The following ZBTB37 variants were observed in gnomAD, a reference collection of about 807,000 sequenced individuals.
ZBTB37 encodes the protein zinc finger and BTB domain-containing protein 37.
In ZBTB37, 15 loss-of-function variants were observed where a neutral mutation model predicts 37.7. The ratio of observed to expected loss-of-function variants is 0.40; its 90% confidence interval spans 0.27 to 0.61. ZBTB37 has a LOEUF of 0.61. ZBTB37 is among the 20% of genes least tolerant of loss of function. ZBTB37 has a pLI of 0.44. For missense variants in ZBTB37, 514 were observed against 641.9 expected (o/e 0.80, Z 2.15); for synonymous variants, 231 against 220.6 (o/e 1.05, Z -0.42).
downstream of ZBTB37, chr1:173,891,037 C>G (rs1291841612): frequency 6.6e-6 from 1 of 152,166 alleles, no homozygotes; most frequent in Non-Finnish European, 1.5e-5. Flanking sequence ...TTTTCTAGAT[C>G]CTCTTATCAT....
chr1:173,870,809 G>C, exon 3 of ZBTB37: 1 of 1,614,238 alleles, frequency 6.2e-7, no homozygotes, highest in South Asian at 1.1e-5. Context: ...GAGTCCACCA[G>C]CCCTCAGATC....
chr1:173,869,651 G>A (rs1016647388), intron 2 of ZBTB37, among the ~76,000 whole-genome samples: 4 of 49,392 alleles, frequency 8.1e-5, no homozygotes, highest in Non-Finnish European at 1.3e-4. Context: ...GTCTTTTTGT[G>A]GGGGGGGCTC....
At chr1:173,899,326 C>T (rs918065409) in exon 4 of ZBTB37, 26 of 152,148 alleles carry the variant, frequency 1.7e-4, no homozygotes, top group African/African-American at 5.8e-4. Flanking sequence ...AGAGTTTTGT[C>T]CTAGGCCTGT....
In ZBTB37 at chr1:173,870,863, G is replaced by A. The variant is rs751501901; in HGVS notation, c.638G>A (p.Arg213Gln). The change falls in exon 3 of 5, where the codon CGG becomes CAG. Residue 213 changes from arginine (R) to glutamine (Q), a missense_variant. Around this residue, in one of 3 missense-constraint regions of ZBTB37, gnomAD observed 323 missense variants for 321.9 expected, o/e 1.00. Coordinates refer to ENST00000427304, the Ensembl canonical transcript of ZBTB37. ...GTAGAGAGCCGGGAGCCCATTCTTC[G>A]GATCAACCGAGCAGGACAGTGGTAT... 1.7e-4 allele frequency: 270 copies of A among 1,614,090 alleles called. No homozygotes were observed. In the East Asian group the frequency reaches 3.0e-3, roughly 18 times the overall value.
At chr1:173,895,437 G>C (rs1027213391) in exon 4 of ZBTB37, 2 of 152,112 alleles carry the variant, frequency 1.3e-5, no homozygotes, top group African/African-American at 4.8e-5. Flanking sequence ...TGATTTCTTG[G>C]AGATATCAGT....
At chr1:173,879,586 A>G (rs1408052082) in intron 4 of ZBTB37, among the ~76,000 whole-genome samples, 1 of 152,160 alleles carries the variant, frequency 6.6e-6, no homozygotes, top group Non-Finnish European at 1.5e-5. Flanking sequence ...ACCTTCTGTC[A>G]AAGATGTTTT....
At chr1:173,878,723 A>G (rs1461150024) in intron 4 of ZBTB37, among the ~76,000 whole-genome samples, 2 of 152,188 alleles carry the variant, frequency 1.3e-5, no homozygotes, top group Non-Finnish European at 2.9e-5. Flanking sequence ...CTGTTAAGCA[A>G]TCTTGTGGCT....
chr1:173,879,198 G>A (rs550357811), intron 4 of ZBTB37, among the ~76,000 whole-genome samples: 2 of 152,158 alleles, frequency 1.3e-5, no homozygotes, highest in Non-Finnish European at 2.9e-5. Flanking sequence ...GATTAAAGAT[G>A]AGGTAGGTTT....
At chr1:173,870,938 G>C (rs1347739013) in exon 3 of ZBTB37, 1 of 1,614,244 alleles carries the variant, frequency 6.2e-7, no homozygotes, top group Non-Finnish European at 8.5e-7. Flanking sequence ...GATGAAGTTA[G>C]AGTTCTTGGA....
exon 4 of ZBTB37, chr1:173,894,060 G>A (rs1457471451): frequency 5.9e-5 from 9 of 152,216 alleles, no homozygotes; most frequent in Admixed American, 5.9e-4. Context: ...TCAAGAGTAA[G>A]TGATTAGAAG....
At chr1:173,878,014 T>C (rs1572059508) in intron 4 of ZBTB37, among the ~76,000 whole-genome samples, 1 of 152,326 alleles carries the variant, frequency 6.6e-6, no homozygotes, top group Non-Finnish European at 1.5e-5. Flanking sequence ...ACCCAACTTT[T>C]CCCACCACTC....
exon 3 of ZBTB37, chr1:173,870,687 G>C (rs1320295307): frequency 3.7e-6 from 6 of 1,613,982 alleles, no homozygotes; most frequent in Non-Finnish European, 5.1e-6. Context: ...AGTCTCACAG[G>C]GTTACACCAA....
At chr1:173,891,136 C>G (rs533133376), downstream of ZBTB37, 42 of 152,208 alleles carry the variant, frequency 2.8e-4, no homozygotes, top group African/African-American at 1.0e-3. Flanking sequence ...TGTTGTTTGT[C>G]CTTGTCTTAA....
At chr1:173,880,925 C>CT (rs1316254819) in intron 4 of ZBTB37, among the ~76,000 whole-genome samples, 2 of 151,142 alleles carry the variant, frequency 1.3e-5, no homozygotes, top group Non-Finnish European at 2.9e-5. Flanking sequence ...TATTACCTTC[C>CT]TTAGAGTTGG....
chr1:173,870,872 G>C, exon 3 of ZBTB37: 1 of 1,614,196 alleles, frequency 6.2e-7, no homozygotes, highest in Non-Finnish European at 8.5e-7. Flanking sequence ...CGGATCAACC[G>C]AGCAGGACAG....
chr1:173,902,925 T>G (rs1430384812), exon 4 of ZBTB37: 1 of 152,220 alleles, frequency 6.6e-6, no homozygotes, highest in Non-Finnish European at 1.5e-5. Flanking sequence ...GAAAAAGGGT[T>G]CTAAATACCT....
intron 4 of ZBTB37, 48 bp from the exon 5 acceptor site, chr1:173,885,588 G>A: frequency 7.0e-7 from 1 of 1,427,594 alleles, no homozygotes; most frequent in South Asian, 1.4e-5. Flanking sequence ...TAATATGTAT[G>A]CTTAATAATA....
intron 4 of ZBTB37, among the ~76,000 whole-genome samples, chr1:173,881,693 C>A (rs1305796980): frequency 6.6e-6 from 1 of 152,146 alleles, no homozygotes; most frequent in Non-Finnish European, 1.5e-5. Flanking sequence ...ATTTGCATTT[C>A]TCTGATGGCC....
At chr1:173,878,829 A>G (rs1360975194) in intron 4 of ZBTB37, among the ~76,000 whole-genome samples, 8 of 152,286 alleles carry the variant, frequency 5.3e-5, no homozygotes, top group Non-Finnish European at 1.0e-4. Flanking sequence ...CATGCCTATA[A>G]TCCCAGCACT....
Sources: gnomAD v4.1 joint callset for allele counts (sites outside exome capture counted in the v4.1 genomes callset) on GRCh38, gnomAD v4.1.1 for gene constraint, gnomAD v4.1.1 regional missense constraint, MANE v1.5 for transcripts, NCBI Gene and HGNC (gene_info 2026-07-23, HGNC 2026-07-21) for gene names.